Variants in ZNF521 observed in about 807,000 individuals in gnomAD.
ZNF521 encodes LYST-interacting protein 3.
Under a neutral mutation model 105.5 loss-of-function variants are expected in ZNF521, and 14 were observed. The observed-to-expected ratio is 0.13, with a 90% CI of 0.09 to 0.21. The LOEUF (loss-of-function observed/expected upper bound fraction) is 0.21. Ranked by LOEUF, ZNF521 falls within the 10% of genes least tolerant of loss-of-function variation. ZNF521 has a pLI of 1.00. For missense variants in ZNF521, 1,233 were observed against 1,629.7 expected (o/e 0.76, Z 4.19); for synonymous variants, 635 against 606.0 (o/e 1.05, Z -0.70).
rs776445349 is a variant in ZNF521 at position 25,235,923 on chromosome 18, A to G, written c.221-8226T>C. On this transcript the variant is annotated intron_variant, in intron 3 of 7. Transcript: ENST00000361524. ...AAGCTGTTACAAAGATTAGGGGGGA[A>G]CTATTACTACAATTATCCATATGCC... Among the ~76,000 whole-genome samples, 17 of 140,612 alleles carry G rather than the reference A, an allele frequency of 1.2e-4. No homozygotes were observed. In the East Asian group the frequency reaches 1.3e-3, roughly 11 times the overall value. 92.2% of individuals were successfully genotyped at this position (140,612 alleles called of 152,430 possible).
rs1600141895 is a variant in ZNF521, at chr18:25,195,257, G to A, written c.3574-13C>T. ...GATAGGTCTTCTTCTGAGAAAACAA[G>A]TATAAACAGAGTTACTTAGACACAT... On this transcript the variant is annotated splice_polypyrimidine_tract_variant and intron_variant, in intron 4 of 7. Transcript: ENST00000361524. The A allele has an allele frequency of 1.3e-6, 2 of 1,559,040 alleles. No homozygotes were observed. The highest frequency in any genetic ancestry group is 2.4e-5 in the East Asian group (1 of 42,538).
intron 3 of ZNF521, among the ~76,000 whole-genome samples, chr18:25,308,522 A>G (rs576953650): frequency 1.3e-5 from 2 of 151,654 alleles, no homozygotes; most frequent in Admixed American, 6.6e-5. Context: ...CCTCTTTCCT[A>G]TTCTTTCTCT....
At chr18:25,063,111 C>T (rs752539881) in intron 7 of ZNF521, among the ~76,000 whole-genome samples, 30 of 152,182 alleles carry the variant, frequency 2.0e-4, no homozygotes, top group Non-Finnish European at 3.4e-4. Flanking sequence ...TCCCGCCATC[C>T]ATCATCTCTT....
At chr18:25,351,885 C>CAGCGGCGGT (rs1914803076) in intron 1 of ZNF521, 120 bp downstream of exon 1, 5 of 274,520 alleles carry the variant, frequency 1.8e-5, no homozygotes, top group Non-Finnish European at 2.2e-5. Context: ...GCAGCGGCGG[C>CAGCGGCGGT]GGCAGCAGCG....
chr18:25,168,335 A>G (rs2035385248), intron 5 of ZNF521, among the ~76,000 whole-genome samples: 1 of 152,156 alleles, frequency 6.6e-6, no homozygotes, highest in African/African-American at 2.4e-5. Flanking sequence ...CCCTTCGGAA[A>G]CTGTTGGCTC....
chr18:25,119,937 G>T (rs1407185151), intron 5 of ZNF521, among the ~76,000 whole-genome samples: 2 of 152,110 alleles, frequency 1.3e-5, no homozygotes, highest in African/African-American at 4.8e-5. Context: ...AAACTGATTG[G>T]AAGAAAAGAC....
At chr18:25,186,597 T>C (rs1370191951) in intron 5 of ZNF521, among the ~76,000 whole-genome samples, 1 of 152,190 alleles carries the variant, frequency 6.6e-6, no homozygotes, top group East Asian at 1.9e-4. Flanking sequence ...AAGGAACTCT[T>C]TTCAAAGTTC....
At chr18:25,208,049 T>G (rs1342010627) in intron 4 of ZNF521, among the ~76,000 whole-genome samples, 1 of 152,150 alleles carries the variant, frequency 6.6e-6, no homozygotes, top group Non-Finnish European at 1.5e-5. Context: ...TTTTTTTAAT[T>G]TTCTTTAGAA....
At chr18:25,326,533 G>A (rs915008276) in intron 2 of ZNF521, among the ~76,000 whole-genome samples, 7 of 152,172 alleles carry the variant, frequency 4.6e-5, no homozygotes, top group Admixed American at 3.9e-4. Flanking sequence ...TGCCGTAGCT[G>A]CACTACATTT....
At position 25,311,179 on chromosome 18, in the gene ZNF521, A is replaced by G. The variant is rs551649016; in HGVS notation, c.220+10829T>C. ...CTGCTTTCCCCTCCCAAGACCTATT[A>G]AGAGGTCATAGATCTCTGTGACATT... On this transcript the variant is annotated intron_variant, in intron 3 of 7. Coordinates refer to ENST00000361524, the MANE Select transcript of ZNF521 (RefSeq NM_015461.3). Among the ~76,000 whole-genome samples, 4 of 152,242 alleles carry G rather than the reference A, an allele frequency of 2.6e-5. No homozygotes were observed. The South Asian group carries it at 8.3e-4, about 32-fold the overall frequency.
intron 3 of ZNF521, among the ~76,000 whole-genome samples, chr18:25,284,967 C>G (rs1910610842): frequency 6.6e-6 from 1 of 151,620 alleles, no homozygotes; most frequent in Admixed American, 6.6e-5. Context: ...ATTTCAAAAG[C>G]CACATCTAAA....
At chr18:25,097,199 T>C (rs1041680924) in intron 5 of ZNF521, among the ~76,000 whole-genome samples, 3 of 152,146 alleles carry the variant, frequency 2.0e-5, no homozygotes, top group Admixed American at 6.6e-5. Flanking sequence ...GACTGCAGTA[T>C]AATTTGCCAT....
intron 5 of ZNF521, among the ~76,000 whole-genome samples, chr18:25,175,381 G>A (rs1600120089): frequency 6.6e-6 from 1 of 152,166 alleles, no homozygotes; most frequent in East Asian, 1.9e-4. Flanking sequence ...TTATAAATGT[G>A]AGTTTTTCTA....
intron 5 of ZNF521, among the ~76,000 whole-genome samples, chr18:25,101,367 C>T (rs148350464): frequency 6.0e-4 from 91 of 152,174 alleles, no homozygotes; most frequent in East Asian, 3.1e-3. Context: ...CATATCCCAA[C>T]GGACAGCTGT....
At chr18:25,256,650 G>A (rs1308863609) in intron 3 of ZNF521, among the ~76,000 whole-genome samples, 2 of 152,008 alleles carry the variant, frequency 1.3e-5, no homozygotes, top group Non-Finnish European at 2.9e-5. Flanking sequence ...AGCGAAGTGC[G>A]GGGAAGGGAT....
intron 5 of ZNF521, among the ~76,000 whole-genome samples, chr18:25,123,461 T>C (rs989677011): frequency 4.8e-4 from 73 of 152,194 alleles, no homozygotes; most frequent in African/African-American, 1.5e-3. Context: ...CAAAAACCTT[T>C]AGAGCTAAAG....
intron 5 of ZNF521, among the ~76,000 whole-genome samples, chr18:25,092,382 A>T (rs2033765005): frequency 6.6e-6 from 1 of 152,150 alleles, no homozygotes; most frequent in South Asian, 2.1e-4. Flanking sequence ...TTCTCTCATT[A>T]CCATGATTTT....
intron 5 of ZNF521, among the ~76,000 whole-genome samples, chr18:25,159,262 A>C (rs558574212): frequency 6.6e-6 from 1 of 152,146 alleles, no homozygotes; most frequent in African/African-American, 2.4e-5. Context: ...AAGTGAGGTA[A>C]ACAGTTTCTT....
Position 25,337,137 on chromosome 18 carries a change from C to T in ZNF521, c.40+13770G>A, listed in dbSNP as rs148446647. On this transcript the variant is annotated intron_variant, in intron 2 of 7. Coordinates refer to ENST00000361524, the MANE Select transcript of ZNF521 (RefSeq NM_015461.3). Reference sequence around the variant, plus strand: ...GTTTGCTAAGCACCTACTATATTCCCAGAAATATTCTGCGAGGTTGGGGAC... The same window carrying T: ...GTTTGCTAAGCACCTACTATATTCCTAGAAATATTCTGCGAGGTTGGGGAC... 1.8e-3 allele frequency among the ~76,000 whole-genome samples: 279 copies of T among 152,246 alleles called. 1 individual carries two copies. Among genetic ancestry groups the T allele is most frequent in the African/African-American group, 6.1e-3 (254 of 41,538 alleles).
Sources: allele counts gnomAD v4.1 joint callset (sites outside exome capture counted in the v4.1 genomes callset), GRCh38; gene constraint gnomAD v4.1.1; transcripts MANE v1.5; gene names NCBI Gene and HGNC (gene_info 2026-07-23, HGNC 2026-07-21).